NEK5: variants seen among roughly 807,000 people sequenced by gnomAD.
NEK5 encodes serine/threonine-protein kinase Nek5.
A neutral mutation model predicts 109.2 loss-of-function variants in NEK5; 88 were observed. The ratio of observed to expected loss-of-function variants is 0.81; its 90% CI spans 0.68 to 0.96. NEK5 has a LOEUF of 0.96. NEK5 is among the 40% of genes least tolerant of loss of function. The probability of loss-of-function intolerance (pLI) is 0.00; values close to 1 mark genes in which losing one functional copy is unlikely to be tolerated. For missense variants in NEK5, 834 were observed against 920.7 expected (o/e 0.91, Z 1.22); for synonymous variants, 283 against 299.9 (o/e 0.94, Z 0.58).
intron 22 of NEK5, among the ~76,000 whole-genome samples, chr13:52,054,040 T>C (rs1954531033): frequency 6.6e-6 from 1 of 152,220 alleles, no homozygotes; most frequent in Non-Finnish European, 1.5e-5. Context: ...ATCAGAAAAG[T>C]AGAAATGCAC....
At chr13:52,103,757 G>C (rs928766860) in intron 9 of NEK5, among the ~76,000 whole-genome samples, 1 of 152,184 alleles carries the variant, frequency 6.6e-6, no homozygotes, top group Non-Finnish European at 1.5e-5. Context: ...CCAGTCCCCA[G>C]TAAAAATCCT....
At chr13:52,077,802 CA>C (rs1278635842) in intron 17 of NEK5, among the ~76,000 whole-genome samples, 1 of 152,164 alleles carries the variant, frequency 6.6e-6, no homozygotes, top group Non-Finnish European at 1.5e-5. Flanking sequence ...TAGCCAGGCA[CA>C]GTGGCTCACA....
Position 52,036,866 on chromosome 13 carries a change from T to TA in NEK5, c.*81dup, listed in dbSNP as rs1954365079. 1 of 640,422 alleles carries TA rather than the reference T, an allele frequency of 1.6e-6. No homozygotes were observed. Among genetic ancestry groups the TA allele is most frequent in the Non-Finnish European group, 1.9e-6 (1 of 514,922 alleles). 39.7% of individuals were successfully genotyped at this position (640,422 alleles called of 1,614,324 possible). On this transcript the variant is annotated 3_prime_UTR_variant, in exon 24 of 24. Transcript: ENST00000684899. The stretch of plus-strand genomic sequence containing the variant: ...TGAGATTACTAGAAAACCCTTACAG[T>TA]AAATGAGCATTTATGACTTGTACCC...
At chr13:52,042,811 TG>T (rs1024446123) in intron 23 of NEK5, among the ~76,000 whole-genome samples, 17 of 151,952 alleles carry the variant, frequency 1.1e-4, no homozygotes, top group East Asian at 1.9e-4. Context: ...AAAATTATTA[TG>T]GGGGGAAAAT....
rs191647847 is a variant in NEK5, at chr13:52,110,345, C to T, written c.462G>A (p.Leu154=). The T allele has an allele frequency of 1.9e-6, 3 of 1,605,694 alleles. No homozygotes were observed. The South Asian group carries it at 3.3e-5, about 18-fold the overall frequency. Residue 154 remains leucine (L), a synonymous_variant, in exon 7 of 24, where the codon CTG becomes CTA. Transcript: ENST00000684899. ...KLGDFGIARV[L]NNSMELARTC... The stretch of plus-strand genomic sequence containing the variant: ...ATTATTTTCAAAGTACTTACTTATT[C>T]AGGACTCTTGCTATACCAAAGTCCC...
intron 21 of NEK5, among the ~76,000 whole-genome samples, chr13:52,062,450 A>T (rs1954621715): frequency 1.3e-5 from 2 of 150,710 alleles, no homozygotes; most frequent in Admixed American, 1.3e-4. Flanking sequence ...TTTGAGACAG[A>T]GTCTCACTCT....
intron 3 of NEK5, among the ~76,000 whole-genome samples, chr13:52,123,333 AT>A (rs1244322638): frequency 1.2e-4 from 18 of 152,216 alleles, no homozygotes; most frequent in Non-Finnish European, 2.5e-4. Context: ...AGAGTAGTTC[AT>A]GAGTAAAGTG....
intron 17 of NEK5, among the ~76,000 whole-genome samples, chr13:52,082,022 T>G (rs1955022189): frequency 6.6e-6 from 1 of 152,180 alleles, no homozygotes; most frequent in Non-Finnish European, 1.5e-5. Flanking sequence ...ATTATAAAGA[T>G]AATAATAATT....
chr13:52,102,056 C>A, intron 10 of NEK5, 36 bp downstream of exon 10: 1 of 1,612,480 alleles, frequency 6.2e-7, no homozygotes. Flanking sequence ...AACCCAAAAT[C>A]TCTGCCAAAA....
chr13:52,084,770 T>A (rs1369966264), intron 16 of NEK5, among the ~76,000 whole-genome samples: 772 of 55,244 alleles, frequency 0.014, 2 homozygotes, highest in African/African-American at 0.029. Context: ...AGAGTGTGTG[T>A]GTGTGTGTGT....
intron 23 of NEK5, among the ~76,000 whole-genome samples, chr13:52,040,662 A>G (rs723102): frequency 0.42 from 63,229 of 151,984 alleles, 15,049 homozygotes; most frequent in Non-Finnish European, 0.54. Context: ...TCTATTTGCA[A>G]TCTCTCATAG....
chr13:52,110,471 TA>T, intron 6 of NEK5, 22 bp downstream of exon 6: 1 of 1,598,856 alleles, frequency 6.3e-7, no homozygotes, highest in Non-Finnish European at 8.6e-7. Context: ...AGTTCTGTCT[TA>T]GTCTTCTCTC....
chr13:52,041,735 A>T (rs1036441654), intron 23 of NEK5, among the ~76,000 whole-genome samples: 1 of 150,198 alleles, frequency 6.7e-6, no homozygotes, highest in African/African-American at 2.4e-5. Context: ...TCTCAAAAAA[A>T]AAAAAAAAAA....
At chr13:52,075,353 AAATTACATAGGGATAGAAAACC>A (rs1954848557) in intron 19 of NEK5, among the ~76,000 whole-genome samples, 3 of 152,322 alleles carry the variant, frequency 2.0e-5, no homozygotes, top group Non-Finnish European at 2.9e-5. Context: ...TATCCTAAGC[AAATTACATAGGGATAGAAAACC>A]AATTACATAG....
chr13:52,050,073 C>T lies in NEK5; in HGVS notation c.2228+31G>A, dbSNP rs563251083. ...AGCATTTTCACTTTGTACCAGTGCT[C>T]GACTTAGGTATCGGCAAATGATCTA... On this transcript the variant is annotated intron_variant, in intron 23 of 23. Transcript: ENST00000684899. 1.9e-5 allele frequency: 16 copies of T among 836,942 alleles called. No individual in the cohort carries two copies. In the Admixed American group the frequency reaches 3.7e-4, roughly 20 times the overall value. 51.8% of individuals were successfully genotyped at this position (836,942 alleles called of 1,614,324 possible). A position where few individuals can be genotyped will look rare whatever the true frequency, so the allele number is the denominator to read the frequency against.
chr13:52,095,195 C>CA, intron 12 of NEK5, among the ~76,000 whole-genome samples: 1 of 152,296 alleles, frequency 6.6e-6, no homozygotes, highest in South Asian at 2.1e-4. Context: ...CTCAGCCTCC[C>CA]AAAGTGTTGG....
At chr13:52,080,072 C>G (rs1246832169) in intron 17 of NEK5, among the ~76,000 whole-genome samples, 2 of 151,804 alleles carry the variant, frequency 1.3e-5, no homozygotes, top group East Asian at 3.9e-4. Context: ...GGCAGCCGCC[C>G]GGTCTGAGAA....
intron 12 of NEK5, among the ~76,000 whole-genome samples, chr13:52,093,565 A>C (rs1017424085): frequency 2.6e-5 from 4 of 152,124 alleles, no homozygotes; most frequent in Non-Finnish European, 4.4e-5. Flanking sequence ...CATCTCAAAA[A>C]AAAAAACCAT....
rs1186807270 is a variant in NEK5 at position 52,108,404 on chromosome 13, A to T, written c.468T>A (p.Asn156Lys). The T allele has an allele frequency of 6.4e-7, 1 of 1,567,530 alleles. No homozygotes were observed. Among genetic ancestry groups the T allele is most frequent in the East Asian group, 2.2e-5 (1 of 44,624 alleles). Residue 156 changes from asparagine to lysine, a missense_variant and splice_region_variant, in exon 8 of 24, where the codon AAT becomes AAA. By Grantham distance (94) the Asn-to-Lys change is moderately conservative (BLOSUM62 0). Transcript: ENST00000684899. ...GDFGIARVLN[N>K]SMELARTCIG... ...TACAAGTTCGAGCAAGTTCCATGGA[A>T]CTAGTAAATTATATTAAATAATAAA...
Sources: gnomAD v4.1 joint callset for allele counts (sites outside exome capture counted in the v4.1 genomes callset) on GRCh38, gnomAD v4.1.1 for gene constraint, MANE v1.5 for transcripts, NCBI Gene and HGNC (gene_info 2026-07-23, HGNC 2026-07-21) for gene names.